The following SEMA4G variants were observed in gnomAD, a reference collection of about 807,000 sequenced individuals.
SEMA4G encodes semaphorin 4G, also known as semaphorin-4G.
SEMA4G carries 59 observed loss-of-function variants against 81.2 expected under a neutral mutation model. The observed-to-expected ratio is 0.73, with a 90% CI of 0.59 to 0.90. The LOEUF is 0.90. SEMA4G is among the 40% of genes least tolerant of loss of function. The probability of loss-of-function intolerance (pLI) is 0.00; values close to 1 mark genes in which losing one functional copy is unlikely to be tolerated. For missense variants in SEMA4G, 952 were observed against 1,102.3 expected (o/e 0.86, Z 1.93); for synonymous variants, 404 against 433.9 (o/e 0.93, Z 0.86).
Position 100,973,616 on chromosome 10 carries a change from G to C in SEMA4G, c.336+7G>C, listed in dbSNP as rs896339893. The C allele has an allele frequency of 1.2e-6, 2 of 1,613,742 alleles. No individual in the cohort carries two copies. The highest frequency in any genetic ancestry group is 1.7e-6 in the Non-Finnish European group (2 of 1,179,728). On this transcript the variant is annotated splice_region_variant and intron_variant, in intron 3 of 13. Coordinates refer to ENST00000370250, the Ensembl canonical transcript of SEMA4G. The surrounding 1 kb of genome is among the most constrained non-coding windows in gnomAD (Gnocchi z 5.5). ...AAAAGGGAAAAACAACCAGGTATGT[G>C]GTCTGCCCTGTCCCCAGCTCCTTTC... is the stretch of plus-strand genomic sequence containing the variant.
At chr10:100,981,099 T>C in intron 12 of SEMA4G, 69 bp from the exon 14 acceptor site, 1 of 1,608,520 alleles carries the variant, frequency 6.2e-7, no homozygotes, top group East Asian at 2.2e-5. Context: ...GTAACAGACC[T>C]ATCTACCCTT....
At chr10:100,969,764 T>A, upstream of SEMA4G, 1 of 430,980 alleles carries the variant, frequency 2.3e-6, no homozygotes, top group South Asian at 1.6e-5. Flanking sequence ...GGGCCAGGCC[T>A]CGGGCTGCGC....
At chr10:100,970,178 T>C (rs1850589586), upstream of SEMA4G, among the ~76,000 whole-genome samples, 1 of 152,038 alleles carries the variant, frequency 6.6e-6, no homozygotes, top group Admixed American at 6.6e-5. Context: ...TGATCAGAGT[T>C]CAGGGGGCTG....
chr10:100,978,013 C>T (rs1850876668), intron 4 of SEMA4G: 2 of 571,282 alleles, frequency 3.5e-6, no homozygotes, highest in Middle Eastern at 4.7e-4. Context: ...ATCCCCTGGA[C>T]AGCATGTGTT....
chr10:100,972,599 C>A (rs1850665124), exon 1 of SEMA4G: 1 of 291,590 alleles, frequency 3.4e-6, no homozygotes, highest in Non-Finnish European at 6.4e-6. Flanking sequence ...TAACCTACAA[C>A]CCCTCTAGAA....
At chr10:100,975,700 AC>A (rs1850752329) in intron 3 of SEMA4G, among the ~76,000 whole-genome samples, 1 of 152,130 alleles carries the variant, frequency 6.6e-6, no homozygotes, top group Admixed American at 6.5e-5. Flanking sequence ...TACTAAAAAT[AC>A]AAAAATTAGC....
At chr10:100,977,886 T>C in intron 4 of SEMA4G, 156 bp downstream of exon 5, 1 of 634,758 alleles carries the variant, frequency 1.6e-6, no homozygotes, top group Non-Finnish European at 2.8e-6. Flanking sequence ...CGGGCTGCAC[T>C]GGAGAACCAT....
chr10:100,978,313 T>G, exon 5 of SEMA4G: 2 of 1,613,428 alleles, frequency 1.2e-6, no homozygotes, highest in Non-Finnish European at 8.5e-7. Flanking sequence ...GGCCTTCACC[T>G]TGCCAACCAG....
chr10:100,985,350 C>T (rs1851393161), downstream of SEMA4G: 3 of 157,242 alleles, frequency 1.9e-5, no homozygotes, highest in African/African-American at 7.2e-5. Context: ...ACAATCAATT[C>T]TGACTGAGCT....
At position 100,979,839 on chromosome 10, in the gene SEMA4G, C is replaced by A. The variant is rs766192937; in HGVS notation, c.984-9C>A. The A allele has an allele frequency of 1.2e-6, 2 of 1,612,842 alleles. No homozygotes were observed. Among genetic ancestry groups the A allele is most frequent in the South Asian group, 2.2e-5 (2 of 91,062 alleles). On this transcript the variant is annotated splice_polypyrimidine_tract_variant and intron_variant, in intron 8 of 13. Coordinates refer to ENST00000370250, the Ensembl canonical transcript of SEMA4G. ...TAACTCACCCCCCTTGCCCTATGTCCCATTCTAGGAAGACCCTGGAGGCCT... is the reference window on the plus strand; with the variant it reads ...TAACTCACCCCCCTTGCCCTATGTCACATTCTAGGAAGACCCTGGAGGCCT...
intron 12 of SEMA4G, 63 bp from the exon 14 acceptor site, chr10:100,981,105 C>G (rs1233850411): frequency 6.2e-7 from 1 of 1,609,352 alleles, no homozygotes; most frequent in African/African-American, 1.3e-5. Context: ...GACCTATCTA[C>G]CCTTTCACTG....
At chr10:100,972,864 G>T in exon 1 of SEMA4G, 1 of 1,568,478 alleles carries the variant, frequency 6.4e-7, no homozygotes, top group South Asian at 1.2e-5. Context: ...CACAACCTGT[G>T]ACTCTGGCTC....
intron 6 of SEMA4G, 27 bp downstream of exon 7, chr10:100,978,667 G>C: frequency 6.3e-7 from 1 of 1,593,634 alleles, no homozygotes; most frequent in East Asian, 2.2e-5. Context: ...ACAGGATGAT[G>C]GGGGGTAGGG....
rs1242957860 is a variant in SEMA4G at position 100,983,739 on chromosome 10, C to T, written c.2125C>T (p.Arg709Ter). The T allele has an allele frequency of 6.2e-7, 1 of 1,613,110 alleles. No individual in the cohort carries two copies. The highest frequency in any genetic ancestry group is 8.5e-7 in the Non-Finnish European group (1 of 1,179,694). ...TCTGCGGGAAGGCAGACGAGGGCGCCGACGGAAATACTCACTGGGTCGGGC... is the reference window on the plus strand; with the variant it reads ...TCTGCGGGAAGGCAGACGAGGGCGCTGACGGAAATACTCACTGGGTCGGGC... The change falls in exon 14 of 14, where the codon CGA (arginine) becomes TGA (stop). Residue 709 changes from arginine to a stop codon, truncating the protein, a stop_gained. Coordinates refer to ENST00000370250, the Ensembl canonical transcript of SEMA4G. LOFTEE classifies it high-confidence loss of function.
At chr10:100,978,866 T>C in exon 7 of SEMA4G, 3 of 1,614,092 alleles carry the variant, frequency 1.9e-6, no homozygotes, top group Non-Finnish European at 2.5e-6. Flanking sequence ...GTTTGTGTTC[T>C]CCGTCCTCGT....
exon 14 of SEMA4G, chr10:100,984,047 C>G (rs376187099): frequency 3.7e-6 from 6 of 1,613,608 alleles, no homozygotes; most frequent in Non-Finnish European, 5.1e-6. Context: ...CAGGGCCCTG[C>G]TCCTTCGCCG....
chr10:100,978,706 C>G (rs1262508419), intron 6 of SEMA4G, 66 bp downstream of exon 7: 7 of 1,557,330 alleles, frequency 4.5e-6, no homozygotes, highest in African/African-American at 1.4e-5. Flanking sequence ...ACTCCCTTGG[C>G]CAGCTGACCA....
exon 14 of SEMA4G, chr10:100,983,519 G>A: frequency 2.5e-6 from 4 of 1,614,200 alleles, no homozygotes; most frequent in Non-Finnish European, 3.4e-6. Context: ...GCTATGCCGA[G>A]GAAAATGGCC....
intron 3 of SEMA4G, among the ~76,000 whole-genome samples, chr10:100,974,381 T>C (rs901935129): frequency 1.3e-5 from 2 of 152,006 alleles, no homozygotes; most frequent in African/African-American, 4.8e-5. Context: ...GGAGTATCAC[T>C]TGGGCCTGGG....
Sources: allele counts gnomAD v4.1 joint callset (sites outside exome capture counted in the v4.1 genomes callset), GRCh38; gene constraint gnomAD v4.1.1; non-coding constraint Gnocchi (gnomAD v3.1); transcripts MANE v1.5; gene names NCBI Gene and HGNC (gene_info 2026-07-23, HGNC 2026-07-21).